PRKAR1B: variants seen among roughly 807,000 people sequenced by gnomAD.
PRKAR1B encodes the protein cAMP-dependent protein kinase type I-beta regulatory subunit.
In PRKAR1B, 22 loss-of-function variants were observed where a neutral mutation model predicts 46.5. That is an observed-to-expected ratio of 0.47 (90% CI 0.34 to 0.68). The LOEUF (loss-of-function observed/expected upper bound fraction) is 0.68. Ranked by LOEUF, PRKAR1B falls within the 30% of genes least tolerant of loss-of-function variation. PRKAR1B has a pLI of 0.01. For missense variants in PRKAR1B, 445 were observed against 535.6 expected (o/e 0.83, Z 1.67); for synonymous variants, 259 against 217.7 (o/e 1.19, Z -1.67).
intron 4 of PRKAR1B, among the ~76,000 whole-genome samples, chr7:618,502 C>CA (rs1389374288): frequency 6.6e-6 from 1 of 151,980 alleles, no homozygotes; most frequent in Non-Finnish European, 1.5e-5. Context: ...TGCATTTAAC[C>CA]AAAAAATGGT....
intron 1 of PRKAR1B, among the ~76,000 whole-genome samples, chr7:717,948 G>A (rs1780937434): frequency 6.6e-6 from 1 of 152,026 alleles, no homozygotes; most frequent in African/African-American, 2.4e-5. Context: ...TATGATTCAT[G>A]GCAACATCTG....
intron 2 of PRKAR1B, among the ~76,000 whole-genome samples, chr7:685,298 A>ATATACG (rs1554303141): frequency 3.4e-4 from 5 of 14,812 alleles, no homozygotes; most frequent in African/African-American, 9.8e-4. Flanking sequence ...ATGTATACAT[A>ATATACG]TATATATACG....
At chr7:622,357 C>T (rs940150765) in intron 4 of PRKAR1B, among the ~76,000 whole-genome samples, 10 of 152,218 alleles carry the variant, frequency 6.6e-5, no homozygotes, top group Non-Finnish European at 1.2e-4. Flanking sequence ...TCACTCCTCC[C>T]GCTCCAACAA....
chr7:604,684 C>T (rs898227754), intron 6 of PRKAR1B, among the ~76,000 whole-genome samples: 47 of 152,192 alleles, frequency 3.1e-4, no homozygotes, highest in Admixed American at 2.6e-4. Flanking sequence ...GGACAGACTC[C>T]GCGGCTGCCA....
chr7:596,100 G>A (rs977042604), intron 7 of PRKAR1B, 46 bp downstream of exon 7: 1 of 1,586,866 alleles, frequency 6.3e-7, no homozygotes, highest in Non-Finnish European at 8.6e-7. Context: ...GGGACGCCTG[G>A]CCAAGGGTGG....
In PRKAR1B at chr7:550,355, C is replaced by A; in HGVS notation, c.*75G>T. The stretch of plus-strand genomic sequence containing the variant: ...CCGGCCCACACCTCACACAGCGGCT[C>A]CCGGGCCCCCGACACAGACGAGCAG... On this transcript the variant is annotated 3_prime_UTR_variant, in exon 11 of 11. Coordinates refer to ENST00000537384, the MANE Select transcript of PRKAR1B (RefSeq NM_001164760.2). 7.0e-7 allele frequency: 1 copy of A among 1,429,692 alleles called. No individual in the cohort carries two copies. Among genetic ancestry groups the A allele is most frequent in the Non-Finnish European group, 9.6e-7 (1 of 1,042,058 alleles). The allele number at this position is 1,429,692 out of a possible 1,614,324, so 88.6% of individuals were successfully genotyped here.
At chr7:590,683 G>T (rs1338770121) in intron 7 of PRKAR1B, among the ~76,000 whole-genome samples, 2 of 152,126 alleles carry the variant, frequency 1.3e-5, no homozygotes, top group Non-Finnish European at 2.9e-5. Context: ...GAGTCCAGGG[G>T]GTGTCCTATC....
intron 4 of PRKAR1B, among the ~76,000 whole-genome samples, chr7:619,219 C>G (rs1040336986): frequency 2.0e-5 from 3 of 152,164 alleles, no homozygotes; most frequent in Non-Finnish European, 4.4e-5. Context: ...ACCTACAAGC[C>G]AAGGAGAGGC....
chr7:676,250 T>C (rs1786575133), intron 4 of PRKAR1B, among the ~76,000 whole-genome samples: 1 of 152,172 alleles, frequency 6.6e-6, no homozygotes, highest in Admixed American at 6.5e-5. Flanking sequence ...ATTATGTCTA[T>C]GATCAACATC....
intron 2 of PRKAR1B, among the ~76,000 whole-genome samples, chr7:703,075 A>G (rs1312502521): frequency 2.0e-5 from 3 of 152,228 alleles, no homozygotes; most frequent in Admixed American, 2.0e-4. Context: ...ATAGAAAAAG[A>G]TTAATCACAC....
chr7:551,280 A>T, intron 10 of PRKAR1B, 109 bp downstream of exon 10: 1 of 1,050,052 alleles, frequency 9.5e-7, no homozygotes, highest in Non-Finnish European at 1.4e-6. Flanking sequence ...AAGCCCCACT[A>T]CAAGGCCCCA....
chr7:559,713 A>G (rs1778668349), intron 9 of PRKAR1B, among the ~76,000 whole-genome samples: 1 of 152,200 alleles, frequency 6.6e-6, no homozygotes, highest in African/African-American at 2.4e-5. Flanking sequence ...GGAGGCCAGG[A>G]AAAGGCACAT....
At chr7:652,402 A>G (rs1338098372) in intron 4 of PRKAR1B, among the ~76,000 whole-genome samples, 1 of 149,872 alleles carries the variant, frequency 6.7e-6, no homozygotes, top group African/African-American at 2.5e-5. Context: ...ACACCCGTGC[A>G]GCACTAGGAA....
In PRKAR1B at chr7:677,230, T is replaced by C. The variant is rs150349181; in HGVS notation, c.439A>G (p.Ser147Gly). 7.1e-5 allele frequency: 115 copies of C among 1,614,036 alleles called. No individual in the cohort carries two copies. The highest frequency in any genetic ancestry group is 8.8e-5 in the Non-Finnish European group (104 of 1,179,976). Reference sequence around the variant, plus strand: ...GGGGCAGGGGACGAGTCTGCCTACCTCCTCTCGTTGTCATCCAGGTGAGCG... The same window carrying C: ...GGGGCAGGGGACGAGTCTGCCTACCCCCTCTCGTTGTCATCCAGGTGAGCG... ...LFAHLDDNER[S>G]DIFDAMFPVT... Residue 147 changes from serine (S) to glycine (G), a missense_variant and splice_region_variant, in exon 4 of 11, where the codon AGT (serine) becomes GGT (glycine). By Grantham distance (56) the Ser-to-Gly change is moderately conservative. This residue lies in a region of PRKAR1B where 94 missense variants were observed against 126.9 expected (regional missense o/e 0.74). Coordinates refer to ENST00000537384, the MANE Select transcript of PRKAR1B (RefSeq NM_001164760.2).
At chr7:728,134 G>A (rs1044088659), upstream of PRKAR1B, among the ~76,000 whole-genome samples, 1 of 152,102 alleles carries the variant, frequency 6.6e-6, no homozygotes, top group Non-Finnish European at 1.5e-5. Flanking sequence ...TTAGAGCTCT[G>A]ATCTGATCCG....
chr7:612,407 T>C (rs374382690), intron 4 of PRKAR1B, among the ~76,000 whole-genome samples: 1 of 146,224 alleles, frequency 6.8e-6, no homozygotes, highest in Non-Finnish European at 1.5e-5. Flanking sequence ...GATGGATGGA[T>C]GGACAGGTGG....
At chr7:718,279 CACACACACACACACACAT>C (rs2128533682) in intron 1 of PRKAR1B, among the ~76,000 whole-genome samples, 2 of 147,306 alleles carry the variant, frequency 1.4e-5, no homozygotes, top group Admixed American at 6.7e-5. Flanking sequence ...CACACACACA[CACACACACACACACACAT>C]ACACATATAT....
rs1200159332 is a variant in PRKAR1B at position 626,433 on chromosome 7, T to C, written c.441-18981A>G. 2.0e-5 allele frequency among the ~76,000 whole-genome samples: 3 copies of C among 152,192 alleles called. No individual in the cohort carries two copies. In the East Asian group the frequency reaches 5.8e-4, roughly 29 times the overall value. On this transcript the variant is annotated intron_variant, in intron 4 of 10. Coordinates refer to ENST00000537384, the MANE Select transcript of PRKAR1B (RefSeq NM_001164760.2). Reference sequence around the variant, plus strand: ...TCACTTGAGTCCAGGAGCTGGCAATTGCAGTGAGCTATGATTGTTCCACTG... The same window carrying C: ...TCACTTGAGTCCAGGAGCTGGCAATCGCAGTGAGCTATGATTGTTCCACTG...
intron 4 of PRKAR1B, among the ~76,000 whole-genome samples, chr7:624,534 G>C (rs933950864): frequency 2.6e-5 from 4 of 152,172 alleles, no homozygotes; most frequent in African/African-American, 9.7e-5. Flanking sequence ...GTGGCTAGCA[G>C]GCTGTTTATC....
Sources: allele counts gnomAD v4.1 joint callset (sites outside exome capture counted in the v4.1 genomes callset), GRCh38; gene constraint gnomAD v4.1.1; regional missense constraint gnomAD v4.1.1; transcripts MANE v1.5; gene names NCBI Gene and HGNC (gene_info 2026-07-23, HGNC 2026-07-21).